GALNT14: variants seen among roughly 807,000 people sequenced by gnomAD.
The protein encoded by GALNT14 is UDP-GalNAc:polypeptide N-acetylgalactosaminyltransferase 14.
A neutral mutation model predicts 77.5 loss-of-function variants in GALNT14; 60 were observed. The observed-to-expected ratio is 0.77, with a 90% CI of 0.63 to 0.96. The LOEUF is 0.96. Among genes scored for constraint, GALNT14 ranks in the 40% least tolerant of loss-of-function variants. The pLI, the probability that GALNT14 is intolerant of heterozygous loss-of-function variation, is 0.00. For synonymous variants in GALNT14, 280 were observed against 281.7 expected (o/e 0.99, Z 0.06); for missense variants, 710 against 731.0 (o/e 0.97, Z 0.33).
At chr2:30,953,649 C>A (rs1459757171) in intron 6 of GALNT14, among the ~76,000 whole-genome samples, 2 of 152,150 alleles carry the variant, frequency 1.3e-5, no homozygotes, top group African/African-American at 4.8e-5. Flanking sequence ...CTTCTACTTG[C>A]TGTCACTTAT....
intron 1 of GALNT14, among the ~76,000 whole-genome samples, chr2:31,089,185 A>G (rs889328517): frequency 6.6e-6 from 1 of 152,048 alleles, no homozygotes; most frequent in South Asian, 2.1e-4. Context: ...TCTCCTTCCT[A>G]TAGCATTTGC....
At chr2:31,078,846 C>T (rs979926475) in intron 1 of GALNT14, 31 of 1,178,496 alleles carry the variant, frequency 2.6e-5, no homozygotes, top group South Asian at 1.0e-4. Flanking sequence ...CCTGGGAGAA[C>T]CCAGGCACAG....
the GALNT14 span, among the ~76,000 whole-genome samples, chr2:30,889,962 G>A: frequency 7.9e-5 from 12 of 152,022 alleles, no homozygotes; most frequent in South Asian, 4.1e-4. Flanking sequence ...GCATTAAACC[G>A]TGAGTATTTT....
At chr2:31,130,790 GCACC>G (rs1404577113) in intron 1 of GALNT14, among the ~76,000 whole-genome samples, 9 of 135,500 alleles carry the variant, frequency 6.6e-5, no homozygotes, top group South Asian at 2.4e-4. Context: ...GTGTGCGCGC[GCACC>G]TGTGTGTGTG....
intron 1 of GALNT14, among the ~76,000 whole-genome samples, chr2:31,080,477 C>T (rs1436807991): frequency 6.6e-6 from 1 of 152,200 alleles, no homozygotes; most frequent in African/African-American, 2.4e-5. Flanking sequence ...ACTCTAAGTG[C>T]AGCCCTGTAC....
chr2:31,032,768 C>T (rs1175832820), intron 1 of GALNT14, among the ~76,000 whole-genome samples: 2 of 152,178 alleles, frequency 1.3e-5, no homozygotes, highest in South Asian at 2.1e-4. Flanking sequence ...TGAGTGATCA[C>T]GGGTCTACTG....
chr2:30,898,764 G>A, the GALNT14 span, among the ~76,000 whole-genome samples: 1 of 152,176 alleles, frequency 6.6e-6, no homozygotes, highest in Non-Finnish European at 1.5e-5. Context: ...GCTGGGGAGG[G>A]GTTGGCAGAG....
At chr2:30,890,494 T>C in the GALNT14 span, among the ~76,000 whole-genome samples, 1 of 152,216 alleles carries the variant, frequency 6.6e-6, no homozygotes, top group Non-Finnish European at 1.5e-5. Context: ...AATCAATATA[T>C]ATGCTGTGCT....
At chr2:30,969,248 C>A (rs551635103) in intron 2 of GALNT14, among the ~76,000 whole-genome samples, 1 of 152,316 alleles carries the variant, frequency 6.6e-6, no homozygotes, top group Admixed American at 6.5e-5. Context: ...AATGGCCAGG[C>A]CTGAAGCTGC....
Position 30,955,758 on chromosome 2 carries a change from G to A in GALNT14, c.533-19C>T, listed in dbSNP as rs1444323359. On this transcript the variant is annotated intron_variant, in intron 5 of 14. Transcript: ENST00000349752. ...ACCAGACCTGCAGTCAGGAACAAAT[G>A]ACGAAGTGGGTGCCACTGTCACTCC... The A allele has an allele frequency of 1.2e-6, 2 of 1,613,598 alleles. No homozygotes were observed. Among genetic ancestry groups the A allele is most frequent in the East Asian group, 2.2e-5 (1 of 44,870 alleles).
In GALNT14 at chr2:31,029,128, G is replaced by C. The variant is rs147116950; in HGVS notation, c.130-36121C>G. Reference sequence around the variant, plus strand: ...AATTGGCCCAGAAGACAAGAGGCTTGAGTTTGAGTTTCTGTTCTACAATTC... The same window carrying C: ...AATTGGCCCAGAAGACAAGAGGCTTCAGTTTGAGTTTCTGTTCTACAATTC... On this transcript the variant is annotated intron_variant, in intron 1 of 14. Transcript: ENST00000349752. 6.6e-3 allele frequency among the ~76,000 whole-genome samples: 1,007 copies of C among 152,290 alleles called. 10 individuals are homozygous for C. Among genetic ancestry groups the C allele is most frequent in the Middle Eastern group, 0.031 (9 of 294 alleles).
At chr2:31,103,893 AC>A (rs1338878920) in intron 1 of GALNT14, among the ~76,000 whole-genome samples, 1 of 152,136 alleles carries the variant, frequency 6.6e-6, no homozygotes, top group African/African-American at 2.4e-5. Flanking sequence ...ACTGAAGTTC[AC>A]CCTCTACTAA....
chr2:31,029,016 G>A lies in GALNT14; in HGVS notation c.130-36009C>T, dbSNP rs1375767337. On this transcript the variant is annotated intron_variant, in intron 1 of 14. Coordinates refer to ENST00000349752, the MANE Select transcript of GALNT14 (RefSeq NM_024572.4). Reference sequence around the variant, plus strand: ...GCAGTTCTCAGGTGCTCTTCCCTATGCTCAATTCTCTGGGGGTTGCTCCCT... The same window carrying A: ...GCAGTTCTCAGGTGCTCTTCCCTATACTCAATTCTCTGGGGGTTGCTCCCT... Among the ~76,000 whole-genome samples, 6 of 152,256 alleles carry A rather than the reference G, an allele frequency of 3.9e-5. No homozygotes were observed. In the East Asian group the frequency reaches 1.2e-3, roughly 29 times the overall value.
In GALNT14 at chr2:31,038,690, T is replaced by C. The variant is rs563473108; in HGVS notation, c.130-45683A>G. On this transcript the variant is annotated intron_variant, in intron 1 of 14. Transcript: ENST00000349752. ...TACTGCAGAGCTGAGGAGAGGTGAA[T>C]GGGAATAGGGCAAGTTAAAATCCCA... is the stretch of plus-strand genomic sequence containing the variant. Among the ~76,000 whole-genome samples, 18 of 151,954 alleles carry C rather than the reference T, an allele frequency of 1.2e-4. No homozygotes were observed. The South Asian group carries it at 3.7e-3, about 32-fold the overall frequency.
At chr2:30,926,467 G>A (rs1049940950) in intron 11 of GALNT14, among the ~76,000 whole-genome samples, 2 of 152,180 alleles carry the variant, frequency 1.3e-5, no homozygotes, top group Admixed American at 6.5e-5. Context: ...CCTGGTGGAG[G>A]TGTCTAGTTG....
At chr2:31,015,115 C>T (rs1444462710) in intron 1 of GALNT14, among the ~76,000 whole-genome samples, 1 of 151,898 alleles carries the variant, frequency 6.6e-6, no homozygotes, top group Non-Finnish European at 1.5e-5. Flanking sequence ...CTTGGTGAAA[C>T]CTCATCTCTA....
chr2:31,030,809 C>T (rs552174396), intron 1 of GALNT14, among the ~76,000 whole-genome samples: 8 of 152,332 alleles, frequency 5.3e-5, no homozygotes, highest in East Asian at 1.9e-4. Flanking sequence ...AGGGCAGAGA[C>T]GGTACTGATC....
chr2:30,967,714 G>GCA (rs1217919794), intron 2 of GALNT14, among the ~76,000 whole-genome samples: 1 of 152,138 alleles, frequency 6.6e-6, no homozygotes, highest in Non-Finnish European at 1.5e-5. Context: ...GGGGAGCACT[G>GCA]CAGCAGCTTC....
chr2:30,935,029 T>C (rs769067618), intron 9 of GALNT14, among the ~76,000 whole-genome samples: 2 of 152,190 alleles, frequency 1.3e-5, no homozygotes, highest in African/African-American at 2.4e-5. Context: ...GTTGCCTTAG[T>C]ACAAAAATTG....
Sources: gnomAD v4.1 joint callset for allele counts (sites outside exome capture counted in the v4.1 genomes callset) on GRCh38, gnomAD v4.1.1 for gene constraint, MANE v1.5 for transcripts, NCBI Gene and HGNC (gene_info 2026-07-23, HGNC 2026-07-21) for gene names.